DNM3: variants seen among roughly 807,000 people sequenced by gnomAD.
The protein encoded by DNM3 is dynamin 3, also known as dynamin-3.
A neutral mutation model predicts 101.6 loss-of-function variants in DNM3; 47 were observed. The ratio of observed to expected loss-of-function variants is 0.46; its 90% confidence interval spans 0.37 to 0.59. The LOEUF is 0.59. Among genes scored for constraint, DNM3 ranks in the 20% least tolerant of loss-of-function variants. DNM3 has a pLI of 0.00. For missense variants in DNM3, 849 were observed against 1,085.7 expected (o/e 0.78, Z 3.06); for synonymous variants, 385 against 387.9 (o/e 0.99, Z 0.09).
At chr1:171,982,782 T>C (rs1209900629) in intron 2 of DNM3, among the ~76,000 whole-genome samples, 1 of 152,132 alleles carries the variant, frequency 6.6e-6, no homozygotes, top group East Asian at 1.9e-4. Flanking sequence ...GGTTAACAAG[T>C]AAACCACATA....
At chr1:172,214,723 T>C (rs2060633695) in intron 14 of DNM3, among the ~76,000 whole-genome samples, 1 of 151,730 alleles carries the variant, frequency 6.6e-6, no homozygotes, top group Admixed American at 6.6e-5. Context: ...TGCATAGGAG[T>C]GTGGGTATAG....
chr1:172,182,632 C>T (rs1156357293), intron 14 of DNM3, among the ~76,000 whole-genome samples: 2 of 152,046 alleles, frequency 1.3e-5, no homozygotes, highest in Non-Finnish European at 2.9e-5. Context: ...TAAAGTGGAG[C>T]ATAGAGAGGC....
chr1:172,252,939 A>G (rs1271832296), intron 14 of DNM3, among the ~76,000 whole-genome samples: 1 of 152,114 alleles, frequency 6.6e-6, no homozygotes, highest in African/African-American at 2.4e-5. Context: ...AGAGCTCAAC[A>G]ATTTTATGGA....
At chr1:171,935,769 CTTTTTTTTTTT>C (rs551030808) in intron 2 of DNM3, among the ~76,000 whole-genome samples, 8 of 48,018 alleles carry the variant, frequency 1.7e-4, no homozygotes, top group Admixed American at 3.4e-4. Flanking sequence ...CAAATCAAAA[CTTTTTTTTTTT>C]TTTTTTTTTT....
intron 1 of DNM3, among the ~76,000 whole-genome samples, chr1:171,869,353 C>T (rs1484341264): frequency 2.0e-5 from 3 of 152,278 alleles, no homozygotes; most frequent in Admixed American, 6.5e-5. Flanking sequence ...AGCTCAGCCA[C>T]ATAGGATCTT....
At chr1:171,953,592 T>C (rs2042670100) in intron 2 of DNM3, among the ~76,000 whole-genome samples, 1 of 152,004 alleles carries the variant, frequency 6.6e-6, no homozygotes, top group Admixed American at 6.6e-5. Context: ...GATGCTTGGC[T>C]AATTTTTTGT....
chr1:172,057,794 CA>C (rs2050771381), intron 10 of DNM3, among the ~76,000 whole-genome samples: 1 of 151,248 alleles, frequency 6.6e-6, no homozygotes, highest in Non-Finnish European at 1.5e-5. Context: ...AACTAACGAG[CA>C]AAATAACCAG....
intron 12 of DNM3, among the ~76,000 whole-genome samples, chr1:172,082,768 C>T (rs942257477): frequency 1.3e-5 from 2 of 152,192 alleles, no homozygotes; most frequent in Non-Finnish European, 2.9e-5. Flanking sequence ...TATGCAGACC[C>T]TGTGACCTAA....
chr1:172,337,399 C>T (rs2066478669), intron 17 of DNM3, among the ~76,000 whole-genome samples: 2 of 152,180 alleles, frequency 1.3e-5, no homozygotes. Flanking sequence ...TATAGCAGTG[C>T]TTCCCAAAGT....
At chr1:172,085,251 A>G (rs920485327) in intron 12 of DNM3, among the ~76,000 whole-genome samples, 3 of 131,248 alleles carry the variant, frequency 2.3e-5, no homozygotes, top group African/African-American at 1.1e-4. Context: ...CTGCTTTAGA[A>G]AAAAAAAAAC....
intron 17 of DNM3, among the ~76,000 whole-genome samples, chr1:172,346,122 C>CAAAA (rs554868535): frequency 8.7e-4 from 80 of 91,454 alleles, no homozygotes; most frequent in Middle Eastern, 6.4e-3. Flanking sequence ...GACTCCGTCT[C>CAAAA]AAAAAAAAAA....
At chr1:171,949,716 T>C (rs1482039236) in intron 2 of DNM3, among the ~76,000 whole-genome samples, 1 of 152,138 alleles carries the variant, frequency 6.6e-6, no homozygotes, top group Non-Finnish European at 1.5e-5. Flanking sequence ...GCACCTGGCC[T>C]CACAATGATG....
At chr1:171,854,630 T>G (rs1368043563) in intron 1 of DNM3, among the ~76,000 whole-genome samples, 1 of 152,142 alleles carries the variant, frequency 6.6e-6, no homozygotes, top group Non-Finnish European at 1.5e-5. Flanking sequence ...AAATCTTTCT[T>G]GGACTCTCCC....
At chr1:172,394,198 C>T (rs1340155280) in intron 20 of DNM3, 1 of 152,192 alleles carries the variant, frequency 6.6e-6, no homozygotes, top group Non-Finnish European at 1.5e-5. Flanking sequence ...TGGTTTCCTT[C>T]TTGAGTCTTG....
At chr1:172,324,468 T>C (rs1487904434) in intron 17 of DNM3, among the ~76,000 whole-genome samples, 1 of 152,194 alleles carries the variant, frequency 6.6e-6, no homozygotes, top group African/African-American at 2.4e-5. Flanking sequence ...TATCTTGATA[T>C]AACTGCTTAT....
chr1:172,381,751 C>T (rs555636986), intron 18 of DNM3, among the ~76,000 whole-genome samples: 64 of 152,112 alleles, frequency 4.2e-4, no homozygotes, highest in African/African-American at 1.4e-3. Context: ...ATAATAAAAT[C>T]ACAACGAGAA....
intron 1 of DNM3, among the ~76,000 whole-genome samples, chr1:171,888,558 C>T (rs140777620): frequency 2.3e-4 from 35 of 152,190 alleles, no homozygotes; most frequent in Middle Eastern, 3.4e-3. Context: ...TTTTCAGTCT[C>T]GGGATGATAA....
chr1:172,410,324 A>G lies in DNM3; in HGVS notation c.*2483A>G, dbSNP rs2071135118. On this transcript the variant is annotated 3_prime_UTR_variant, in exon 21 of 21. Transcript: ENST00000627582. ...AGGCCTTAAGATGGGAATGTAGCTT[A>G]ATGATTTTCTGTTTCCCATACCATT... is the stretch of plus-strand genomic sequence containing the variant. 2 of 985,220 alleles carry G rather than the reference A, an allele frequency of 2.0e-6. No homozygotes were observed. Among genetic ancestry groups the G allele is most frequent in the Admixed American group, 6.2e-5 (1 of 16,252 alleles). The allele number at this position is 985,220 out of a possible 1,614,324, so 61.0% of individuals were successfully genotyped here. A position where few individuals can be genotyped will look rare whatever the true frequency, so the allele number is the denominator to read the frequency against.
intron 2 of DNM3, among the ~76,000 whole-genome samples, chr1:171,984,708 G>A (rs79604910): frequency 0.016 from 2,407 of 152,174 alleles, 72 homozygotes; most frequent in African/African-American, 0.055. Context: ...TTTAAGCTTC[G>A]TGAGCCTAGA....
Sources: gnomAD v4.1 joint callset for allele counts (sites outside exome capture counted in the v4.1 genomes callset) on GRCh38, gnomAD v4.1.1 for gene constraint, MANE v1.5 for transcripts, NCBI Gene and HGNC (gene_info 2026-07-23, HGNC 2026-07-21) for gene names.